CNTNAP5: variants seen among roughly 807,000 people sequenced by gnomAD.
CNTNAP5 encodes contactin associated protein family member 5.
In CNTNAP5, 72 loss-of-function variants were observed where a neutral mutation model predicts 150.2. That is an observed-to-expected ratio of 0.48 (90% CI 0.40 to 0.58). CNTNAP5 has a LOEUF of 0.58. CNTNAP5 is among the 20% of genes least tolerant of loss of function. The pLI, the probability that CNTNAP5 is intolerant of heterozygous loss-of-function variation, is 0.00. For synonymous variants in CNTNAP5, 672 were observed against 619.8 expected, an observed-to-expected ratio of 1.08 and a Z score of -1.25; for missense variants, 1,636 against 1,626.2, an observed-to-expected ratio of 1.01 and a Z score of -0.10.
intron 3 of CNTNAP5, among the ~76,000 whole-genome samples, chr2:124,353,905 G>A (rs1289449596): frequency 6.6e-6 from 1 of 152,178 alleles, no homozygotes; most frequent in Non-Finnish European, 1.5e-5. Flanking sequence ...GGGAGTTCAT[G>A]CATTTGATAA....
intron 3 of CNTNAP5, among the ~76,000 whole-genome samples, chr2:124,323,087 T>C (rs1386190030): frequency 1.3e-5 from 2 of 152,168 alleles, no homozygotes; most frequent in East Asian, 1.9e-4. Flanking sequence ...ATAACAGATA[T>C]GGCATATTAT....
chr2:124,121,676 G>A (rs953090745), intron 1 of CNTNAP5, among the ~76,000 whole-genome samples: 10 of 152,066 alleles, frequency 6.6e-5, no homozygotes, highest in African/African-American at 2.2e-4. Context: ...GACACGAGAC[G>A]TACCTGAGGG....
intron 3 of CNTNAP5, among the ~76,000 whole-genome samples, chr2:124,362,481 A>G (rs1048089351): frequency 6.6e-6 from 1 of 152,182 alleles, no homozygotes. Flanking sequence ...ACTTATTTTT[A>G]TATTACTATC....
At chr2:124,758,859 G>C (rs779855957) in intron 14 of CNTNAP5, among the ~76,000 whole-genome samples, 3 of 152,054 alleles carry the variant, frequency 2.0e-5, no homozygotes, top group African/African-American at 4.8e-5. Flanking sequence ...ATGGACAAGG[G>C]GAGGATTGCT....
rs199700837 is a variant in CNTNAP5 at position 124,286,135 on chromosome 2, A to G, written c.381+43742A>G. ...AATCCTGATTTTTAACTATGAAGAA[A>G]CCAAAAGCCGGAAAGGTAAAATGAT... is the stretch of plus-strand genomic sequence containing the variant. On this transcript the variant is annotated intron_variant, in intron 3 of 23. Transcript: ENST00000682447. Among the ~76,000 whole-genome samples, 4 of 152,166 alleles carry G rather than the reference A, an allele frequency of 2.6e-5. No individual in the cohort carries two copies. The East Asian group carries it at 7.7e-4, about 29-fold the overall frequency.
chr2:124,754,874 A>T (rs1349801510), intron 14 of CNTNAP5, among the ~76,000 whole-genome samples: 1 of 151,904 alleles, frequency 6.6e-6, no homozygotes, highest in African/African-American at 2.4e-5. Context: ...TTTTAGGCAG[A>T]ATGTTTTGTG....
chr2:124,766,645 T>C (rs1401497088), intron 16 of CNTNAP5, among the ~76,000 whole-genome samples: 1 of 152,182 alleles, frequency 6.6e-6, no homozygotes, highest in East Asian at 1.9e-4. Context: ...CTAAAAATGT[T>C]GAGTTGAATG....
At chr2:124,652,669 T>C (rs953700421) in intron 13 of CNTNAP5, among the ~76,000 whole-genome samples, 6 of 152,158 alleles carry the variant, frequency 3.9e-5, no homozygotes, top group African/African-American at 1.4e-4. Flanking sequence ...ATGGGGAAAC[T>C]GAGTGCCCAG....
At chr2:124,120,102 A>C (rs1683526267) in intron 1 of CNTNAP5, among the ~76,000 whole-genome samples, 1 of 152,164 alleles carries the variant, frequency 6.6e-6, no homozygotes, top group African/African-American at 2.4e-5. Context: ...CTGGGGATAG[A>C]GCACCAGCCA....
In CNTNAP5 at chr2:124,755,056, G is replaced by A. The variant is rs576394645; in HGVS notation, c.2234+7671G>A. Among the ~76,000 whole-genome samples, 90 of 151,806 alleles carry A rather than the reference G, an allele frequency of 5.9e-4. 2 individuals carry two copies. The highest frequency in any genetic ancestry group is 2.6e-3 in the Admixed American group (40 of 15,210). ...GTAAATAGCTGATATTTTGCCTGGC[G>A]TAGCATTAAAGCAGGTTTTTTTTTT... On this transcript the variant is annotated intron_variant, in intron 14 of 23. Coordinates refer to ENST00000682447, the MANE Select transcript of CNTNAP5 (RefSeq NM_001367498.1).
chr2:124,837,709 T>C (rs569940918), intron 19 of CNTNAP5, among the ~76,000 whole-genome samples: 32 of 152,144 alleles, frequency 2.1e-4, no homozygotes, highest in Non-Finnish European at 4.1e-4. Flanking sequence ...CACTGGTTCC[T>C]TTCTATATAA....
chr2:124,790,032 C>T lies in CNTNAP5; in HGVS notation c.2883C>T (p.Cys961=), dbSNP rs371607824. The change falls in exon 18 of 24, where the codon TGC becomes TGT. Residue 961 remains cysteine (C), a synonymous_variant. Transcript: ENST00000682447. ...SGVRPGCPGH[C]SSYGSICHNG... is the part of the protein sequence containing the mutation. ...TCAGGCCAGGCTGCCCCGGCCACTG[C>T]AGCAGCTACGGCAGCATCTGCCACA... 2.0e-5 allele frequency: 33 copies of T among 1,613,822 alleles called. 1 individual carries two copies. In the South Asian group the frequency reaches 2.3e-4, roughly 11 times the overall value.
At chr2:124,130,868 T>C (rs1390675592) in intron 1 of CNTNAP5, among the ~76,000 whole-genome samples, 1 of 152,198 alleles carries the variant, frequency 6.6e-6, no homozygotes, top group African/African-American at 2.4e-5. Flanking sequence ...TGAATGAATA[T>C]ATACAGAATA....
intron 13 of CNTNAP5, among the ~76,000 whole-genome samples, chr2:124,711,189 T>C (rs975324851): frequency 1.3e-5 from 2 of 152,056 alleles, no homozygotes; most frequent in African/African-American, 4.8e-5. Flanking sequence ...GAGAACAGCT[T>C]GAACCTGGGA....
chr2:124,040,482 C>T (rs149791418), intron 1 of CNTNAP5, among the ~76,000 whole-genome samples: 2 of 152,052 alleles, frequency 1.3e-5, no homozygotes, highest in Admixed American at 6.6e-5. Context: ...GGTATTGATT[C>T]GTCGTTTTCA....
At chr2:124,452,864 G>A (rs1574004508) in intron 6 of CNTNAP5, among the ~76,000 whole-genome samples, 2 of 152,244 alleles carry the variant, frequency 1.3e-5, no homozygotes, top group South Asian at 2.1e-4. Flanking sequence ...TGGGACATAA[G>A]GAACTGTACA....
At chr2:124,050,893 C>T (rs1681678507) in intron 1 of CNTNAP5, among the ~76,000 whole-genome samples, 1 of 152,158 alleles carries the variant, frequency 6.6e-6, no homozygotes, top group African/African-American at 2.4e-5. Flanking sequence ...CCAGAGACAT[C>T]CTTTCTTCAA....
At chr2:124,079,500 GA>G (rs1682511417) in intron 1 of CNTNAP5, among the ~76,000 whole-genome samples, 1 of 133,770 alleles carries the variant, frequency 7.5e-6, no homozygotes, top group Non-Finnish European at 1.7e-5. Flanking sequence ...TTATCTATCT[GA>G]ACCCCTGATT....
chr2:124,592,652 C>T (rs1400850182), intron 11 of CNTNAP5, among the ~76,000 whole-genome samples: 6 of 151,962 alleles, frequency 3.9e-5, no homozygotes, highest in Non-Finnish European at 8.8e-5. Context: ...AGGGAAAAGG[C>T]CTTTCCCCTA....
Sources: allele counts gnomAD v4.1 joint callset (sites outside exome capture counted in the v4.1 genomes callset), GRCh38; gene constraint gnomAD v4.1.1; transcripts MANE v1.5; gene names NCBI Gene and HGNC (gene_info 2026-07-23, HGNC 2026-07-21).